The following SOX5 variants were observed in gnomAD, a reference collection of about 807,000 sequenced individuals.
SOX5 encodes the protein SRY-box transcription factor 5.
SOX5 carries 9 observed loss-of-function variants against 92.0 expected under a neutral mutation model. The ratio of observed to expected loss-of-function variants is 0.10; its 90% confidence interval spans 0.06 to 0.17. The LOEUF is 0.17. Among genes scored for constraint, SOX5 ranks in the 10% least tolerant of loss-of-function variants. The pLI, the probability that SOX5 is intolerant of heterozygous loss-of-function variation, is 1.00. For missense variants in SOX5, 642 were observed against 944.5 expected (o/e 0.68, Z 4.20); for synonymous variants, 344 against 336.3 (o/e 1.02, Z -0.25).
chr12:24,420,139 C>A (rs562958354), intron 1 of SOX5, among the ~76,000 whole-genome samples: 1 of 152,266 alleles, frequency 6.6e-6, no homozygotes, highest in Admixed American at 6.5e-5. Context: ...TTTATTTTGA[C>A]AGGAAATTTG....
At chr12:24,275,807 T>C (rs1457916508) in intron 3 of SOX5, among the ~76,000 whole-genome samples, 2 of 152,124 alleles carry the variant, frequency 1.3e-5, no homozygotes, top group African/African-American at 2.4e-5. Flanking sequence ...TCCTGGAAAG[T>C]TGAACAAACA....
intron 1 of SOX5, among the ~76,000 whole-genome samples, chr12:23,945,346 A>G (rs371018679): frequency 1.3e-5 from 2 of 152,146 alleles, no homozygotes; most frequent in South Asian, 4.1e-4. Flanking sequence ...TAAGATAAGG[A>G]CACACCAATA....
rs577806599 is a variant in SOX5, at chr12:24,521,897, G to A, written c.-251+40432C>T. 2.0e-5 allele frequency among the ~76,000 whole-genome samples: 3 copies of A among 151,430 alleles called. No individual in the cohort carries two copies. The East Asian group carries it at 5.8e-4, about 29-fold the overall frequency. ...TAAACAATCTAATTGATACCTCCAA[G>A]AAATGTAAAACCAAGCCCAAAGTTA... On this transcript the variant is annotated intron_variant, in intron 1 of 4. Coordinates refer to the SOX5 transcript ENST00000446891.
chr12:24,510,409 C>T (rs894650476), intron 1 of SOX5, among the ~76,000 whole-genome samples: 3 of 152,146 alleles, frequency 2.0e-5, no homozygotes, highest in Non-Finnish European at 2.9e-5. Context: ...CAACTGGTTC[C>T]AATTTTCAAA....
chr12:24,428,339 C>G (rs1375927837), intron 1 of SOX5, among the ~76,000 whole-genome samples: 1 of 152,136 alleles, frequency 6.6e-6, no homozygotes, highest in East Asian at 1.9e-4. Flanking sequence ...GACTCTACCT[C>G]TTCTGTTTCA....
chr12:23,597,280 T>A (rs1046747015), intron 9 of SOX5, among the ~76,000 whole-genome samples: 2 of 152,232 alleles, frequency 1.3e-5, no homozygotes, highest in African/African-American at 4.8e-5. Flanking sequence ...CTTTTTTCAT[T>A]TAACGCTGAG....
chr12:24,004,308 C>CAAA (rs33923653), intron 4 of SOX5, among the ~76,000 whole-genome samples: 1 of 147,072 alleles, frequency 6.8e-6, no homozygotes. Context: ...TTTTGTTTCT[C>CAAA]AAAAAAAAAA....
chr12:23,968,417 T>C (rs923676280), intron 4 of SOX5, among the ~76,000 whole-genome samples: 30 of 152,210 alleles, frequency 2.0e-4, no homozygotes, highest in African/African-American at 7.2e-4. Context: ...TCCAATGTGA[T>C]GGTCTGGAAG....
At chr12:23,793,315 C>G (rs1310350924) in intron 3 of SOX5, among the ~76,000 whole-genome samples, 1 of 152,142 alleles carries the variant, frequency 6.6e-6, no homozygotes, top group Non-Finnish European at 1.5e-5. Flanking sequence ...GTGACATACA[C>G]TCTGCTAGGC....
chr12:23,678,085 C>T (rs1566922416), intron 6 of SOX5, among the ~76,000 whole-genome samples: 1 of 152,058 alleles, frequency 6.6e-6, no homozygotes, highest in East Asian at 1.9e-4. Context: ...GAAAATAAAA[C>T]ATGTGTGAAA....
At chr12:24,325,890 G>A (rs1025070930) in intron 2 of SOX5, among the ~76,000 whole-genome samples, 4 of 152,160 alleles carry the variant, frequency 2.6e-5, no homozygotes, top group South Asian at 2.1e-4. Context: ...TAGGGGTTGC[G>A]CACACGTGCA....
At chr12:23,637,391 A>G (rs1438220985) in intron 8 of SOX5, among the ~76,000 whole-genome samples, 1 of 152,192 alleles carries the variant, frequency 6.6e-6, no homozygotes, top group African/African-American at 2.4e-5. Flanking sequence ...GGTTCTAAAG[A>G]AAGACATCAG....
chr12:23,905,716 A>C (rs1023400138), intron 1 of SOX5, among the ~76,000 whole-genome samples: 1 of 152,100 alleles, frequency 6.6e-6, no homozygotes, highest in Non-Finnish European at 1.5e-5. Context: ...AACATTTGTG[A>C]CTCCTATGTA....
At chr12:24,206,846 A>T (rs1047184276) in intron 4 of SOX5, among the ~76,000 whole-genome samples, 1 of 152,238 alleles carries the variant, frequency 6.6e-6, no homozygotes, top group Admixed American at 6.5e-5. Context: ...ATCCACAGCC[A>T]GAGCTGACTG....
intron 1 of SOX5, among the ~76,000 whole-genome samples, chr12:24,473,408 C>G (rs980876808): frequency 2.1e-4 from 32 of 152,218 alleles, no homozygotes; most frequent in African/African-American, 7.5e-4. Context: ...TGCAAGCCCA[C>G]AGAAGCCAGC....
chr12:23,700,972 A>AC (rs1567072040), intron 6 of SOX5, among the ~76,000 whole-genome samples: 17 of 151,386 alleles, frequency 1.1e-4, no homozygotes, highest in South Asian at 1.0e-3. Flanking sequence ...TATATATACA[A>AC]ACACACACAT....
In SOX5 at chr12:23,684,537, C is replaced by T. The variant is rs184747926; in HGVS notation, c.811-18973G>A. Among the ~76,000 whole-genome samples the T allele has an allele frequency of 5.0e-3, 766 of 152,130 alleles. 8 individuals carry two copies. Among genetic ancestry groups the T allele is most frequent in the African/African-American group, 0.018 (728 of 41,540 alleles). On this transcript the variant is annotated intron_variant, in intron 6 of 14. Transcript: ENST00000451604. The stretch of plus-strand genomic sequence containing the variant: ...CTGCAGGTTTTCCTTTAAGGACTTG[C>T]TATTTGTTCAGTTCTTTTAATTACA...
chr12:24,229,820 A>C (rs1594565641), intron 3 of SOX5, among the ~76,000 whole-genome samples: 2 of 152,324 alleles, frequency 1.3e-5, no homozygotes, highest in Admixed American at 1.3e-4. Flanking sequence ...AAGGGGGAAC[A>C]AAATTCTTGT....
At chr12:23,541,428 A>G (rs1451521810) in intron 13 of SOX5, among the ~76,000 whole-genome samples, 1 of 152,206 alleles carries the variant, frequency 6.6e-6, no homozygotes, top group East Asian at 1.9e-4. Flanking sequence ...ATATGCTTAC[A>G]TAAAGTATTC....
Sources: allele counts gnomAD v4.1 joint callset (sites outside exome capture counted in the v4.1 genomes callset), GRCh38; gene constraint gnomAD v4.1.1; transcripts MANE v1.5; gene names NCBI Gene and HGNC (gene_info 2026-07-23, HGNC 2026-07-21).